MKLN1: variants seen among roughly 807,000 people sequenced by gnomAD.
MKLN1 encodes the protein muskelin 1.
A neutral mutation model predicts 99.0 loss-of-function variants in MKLN1; 18 were observed. The ratio of observed to expected loss-of-function variants is 0.18; its 90% CI spans 0.13 to 0.27. The LOEUF is 0.27. MKLN1 is among the 10% of genes least tolerant of loss of function. The pLI is 1.00. For missense variants in MKLN1, 621 were observed against 875.9 expected, an observed-to-expected ratio of 0.71 and a Z score of 3.67; for synonymous variants, 288 against 293.2, an observed-to-expected ratio of 0.98 and a Z score of 0.18.
Position 131,133,820 on chromosome 7 carries a change from GT to G in MKLN1, c.-418-8974del, listed in dbSNP as rs1563226583. The stretch of plus-strand genomic sequence containing the variant: ...CTTCTTTTTTTTTTTTTTTAATTTG[GT>G]TTTTTTTTTTTTTTTTTTTTTTTTT... On this transcript the variant is annotated intron_variant, in intron 1 of 7. Coordinates refer to the MKLN1 transcript ENST00000416992. 2.1e-4 allele frequency among the ~76,000 whole-genome samples: 5 copies of G among 24,062 alleles called. 1 individual carries two copies. Among genetic ancestry groups the G allele is most frequent in the Admixed American group, 1.4e-3 (2 of 1,436 alleles). The allele number at this position is 24,062 out of a possible 152,430, so 15.8% of individuals were successfully genotyped here. A position where few individuals can be genotyped will look rare whatever the true frequency, so the allele number is the denominator to read the frequency against.
intron 16 of MKLN1, among the ~76,000 whole-genome samples, chr7:131,474,926 C>T (rs894962665): frequency 1.6e-4 from 25 of 152,206 alleles, no homozygotes; most frequent in African/African-American, 5.8e-4. Context: ...AAGCAAGCAC[C>T]TTTTTCACAT....
chr7:131,378,661 CT>C (rs1242092077), intron 2 of MKLN1, among the ~76,000 whole-genome samples: 4 of 152,084 alleles, frequency 2.6e-5, no homozygotes, highest in African/African-American at 9.7e-5. Flanking sequence ...GAAACCCTGT[CT>C]GTACAAAAAA....
At chr7:131,376,992 G>C (rs1793685039) in intron 2 of MKLN1, among the ~76,000 whole-genome samples, 1 of 152,080 alleles carries the variant, frequency 6.6e-6, no homozygotes, top group South Asian at 2.1e-4. Context: ...ATCGTTATAT[G>C]TAATTGTAGT....
At chr7:131,193,900 T>A (rs1160572127) in intron 2 of MKLN1, among the ~76,000 whole-genome samples, 1 of 151,856 alleles carries the variant, frequency 6.6e-6, no homozygotes, top group African/African-American at 2.4e-5. Flanking sequence ...AATGCCGGGA[T>A]TATAAGCATG....
chr7:131,409,747 T>C (rs1794816718), intron 6 of MKLN1, among the ~76,000 whole-genome samples: 1 of 152,172 alleles, frequency 6.6e-6, no homozygotes, highest in Non-Finnish European at 1.5e-5. Flanking sequence ...TTTGGGTGCA[T>C]GTAAAAGCTA....
At position 131,327,890 on chromosome 7, in the gene MKLN1, T is replaced by G. The variant is rs374446778; in HGVS notation, c.-10T>G. 303 of 1,611,468 alleles carry G rather than the reference T, an allele frequency of 1.9e-4. 2 individuals are homozygous for G. In the South Asian group the frequency reaches 3.0e-3, roughly 16 times the overall value. ...CAGCGGTCGGTGGCGGCCGCTACGGTGCTGACAAGATGGCGGCTGGCGGAG... is the reference window on the plus strand; with the variant it reads ...CAGCGGTCGGTGGCGGCCGCTACGGGGCTGACAAGATGGCGGCTGGCGGAG... On this transcript the variant is annotated 5_prime_UTR_variant, in exon 1 of 18. Transcript: ENST00000352689.
At position 131,478,219 on chromosome 7, in the gene MKLN1, AC is replaced by A. The variant is rs1348707981; in HGVS notation, c.2032-403del. Among the ~76,000 whole-genome samples, 3 of 152,174 alleles carry A rather than the reference AC, an allele frequency of 2.0e-5. 1 individual carries two copies. In the South Asian group the frequency reaches 6.2e-4, roughly 32 times the overall value. On this transcript the variant is annotated intron_variant, in intron 16 of 17. Transcript: ENST00000352689. ...GACATCAGGTATTTTACAGTGGCTT[AC>A]GTTTATTTTTGAGATGAGAATGCAT...
At chr7:131,300,268 A>G (rs1798356331) in intron 3 of MKLN1, among the ~76,000 whole-genome samples, 1 of 152,000 alleles carries the variant, frequency 6.6e-6, no homozygotes, top group African/African-American at 2.4e-5. Context: ...GAGGTTGGAG[A>G]GCAGGTGAAG....
intron 3 of MKLN1, among the ~76,000 whole-genome samples, chr7:131,225,261 A>G (rs1009487267): frequency 1.3e-5 from 2 of 152,134 alleles, no homozygotes; most frequent in African/African-American, 4.8e-5. Context: ...TCTGATCCAT[A>G]AGCAGCACCT....
In MKLN1 at chr7:131,487,263, GA is replaced by G. The variant is rs1797307645; in HGVS notation, c.2087-337del. 6.6e-6 allele frequency among the ~76,000 whole-genome samples: 1 copy of G among 151,742 alleles called. No individual in the cohort carries two copies. Among genetic ancestry groups the G allele is most frequent in the Non-Finnish European group, 1.5e-5 (1 of 67,874 alleles). On this transcript the variant is annotated intron_variant, in intron 17 of 17. Transcript: ENST00000352689. The surrounding 1 kb of genome is among the most constrained non-coding windows in gnomAD (Gnocchi z 4.7). ...ACCAGCAGAGAAAAGACCTAATAAG[GA>G]AAAAAAGAGAGATCAGTATTATTTG...
chr7:131,376,342 TA>T (rs35692782), intron 2 of MKLN1, among the ~76,000 whole-genome samples: 26,065 of 131,320 alleles, frequency 0.2, 2,646 homozygotes, highest in Admixed American at 0.32. Context: ...TGATCTATGT[TA>T]AAAAAAAAAA....
intron 3 of MKLN1, among the ~76,000 whole-genome samples, chr7:131,304,788 T>G (rs1341268346): frequency 6.6e-6 from 1 of 152,166 alleles, no homozygotes; most frequent in Non-Finnish European, 1.5e-5. Flanking sequence ...GAGTGTTTGT[T>G]TTTCATCCTT....
At chr7:131,160,609 C>T (rs1315323081) in intron 2 of MKLN1, among the ~76,000 whole-genome samples, 21 of 150,308 alleles carry the variant, frequency 1.4e-4, no homozygotes, top group Admixed American at 1.4e-3. Flanking sequence ...ACCTCTGCCT[C>T]CCAGGCTTAG....
rs1345089930 is a variant in MKLN1 at position 131,111,904 on chromosome 7, G to C, written c.-419+1697G>C. 2.6e-5 allele frequency among the ~76,000 whole-genome samples: 4 copies of C among 152,184 alleles called. No individual in the cohort carries two copies. The South Asian group carries it at 8.3e-4, about 31-fold the overall frequency. ...ATTTTGGGTTAGCATTGTGGCATTC[G>C]GAGAACACAGTGTGACTACAAGGCT... On this transcript the variant is annotated intron_variant, in intron 1 of 7. Transcript: ENST00000416992.
chr7:131,197,527 C>T (rs972295466), intron 2 of MKLN1, among the ~76,000 whole-genome samples: 2 of 151,570 alleles, frequency 1.3e-5, no homozygotes, highest in African/African-American at 4.9e-5. Flanking sequence ...GGGTTACAGG[C>T]ATGAACCACT....
chr7:131,481,813 CA>C (rs35675974), intron 17 of MKLN1, among the ~76,000 whole-genome samples: 63,862 of 109,108 alleles, frequency 0.59, 15,549 homozygotes, highest in African/African-American at 0.67. Flanking sequence ...CTAAGGTCTG[CA>C]AAAAAAAAAA....
chr7:131,234,222 C>T (rs1029762232), intron 3 of MKLN1, among the ~76,000 whole-genome samples: 67 of 152,118 alleles, frequency 4.4e-4, no homozygotes, highest in Middle Eastern at 3.4e-3. Context: ...TCAGGTGATC[C>T]GCCTGCCTCG....
At chr7:131,397,415 A>G (rs1380814609) in intron 5 of MKLN1, 39 bp downstream of exon 5, 2 of 1,038,672 alleles carry the variant, frequency 1.9e-6, no homozygotes, top group African/African-American at 3.2e-5. Flanking sequence ...AATGCCTATA[A>G]AAGGAGAAAT....
At chr7:131,186,765 TAGTA>T (rs1796456551) in intron 2 of MKLN1, among the ~76,000 whole-genome samples, 1 of 152,216 alleles carries the variant, frequency 6.6e-6, no homozygotes, top group African/African-American at 2.4e-5. Context: ...GCCTGGCCCA[TAGTA>T]AGTGTCTGGT....
Sources: gnomAD v4.1 joint callset for allele counts (sites outside exome capture counted in the v4.1 genomes callset) on GRCh38, gnomAD v4.1.1 for gene constraint, Gnocchi (gnomAD v3.1) non-coding constraint, MANE v1.5 for transcripts, NCBI Gene and HGNC (gene_info 2026-07-23, HGNC 2026-07-21) for gene names.